Variants in SCP2 observed in about 807,000 individuals in gnomAD.
SCP2 encodes sterol carrier protein 2, also known as SCP-2/3-oxoacyl-CoA thiolase.
In SCP2, 48 loss-of-function variants were observed where a neutral mutation model predicts 71.4. The observed-to-expected ratio is 0.67, with a 90% CI of 0.53 to 0.86. The LOEUF (loss-of-function observed/expected upper bound fraction) is 0.86, where lower values mean the gene tolerates loss of function less well. Ranked by LOEUF, SCP2 falls within the 40% of genes least tolerant of loss-of-function variation. The probability of loss-of-function intolerance (pLI) is 0.00; values close to 1 mark genes in which losing one functional copy is unlikely to be tolerated. For missense variants in SCP2, 560 were observed against 655.6 expected (o/e 0.85, Z 1.59); for synonymous variants, 220 against 218.1 (o/e 1.01, Z -0.08).
At chr1:53,047,577 A>C (rs537311446) in intron 14 of SCP2, among the ~76,000 whole-genome samples, 88 of 152,350 alleles carry the variant, frequency 5.8e-4, no homozygotes, top group African/African-American at 2.1e-3. Flanking sequence ...CATGTCAGTA[A>C]ATCCAGATCC....
At chr1:52,980,658 C>T in intron 10 of SCP2, 115 bp downstream of exon 10, 1 of 1,065,350 alleles carries the variant, frequency 9.4e-7, no homozygotes, top group Non-Finnish European at 1.4e-6. Context: ...GGCTCTGCCA[C>T]ACTGTGGGAA....
intron 5 of SCP2, among the ~76,000 whole-genome samples, chr1:52,957,876 T>C (rs566383607): frequency 3.5e-4 from 52 of 150,404 alleles, no homozygotes; most frequent in African/African-American, 1.2e-3. Context: ...CAGTTGTCCC[T>C]GCACCATTTG....
intron 11 of SCP2, among the ~76,000 whole-genome samples, chr1:53,010,554 C>G (rs368923666): frequency 6.6e-6 from 1 of 151,800 alleles, no homozygotes; most frequent in African/African-American, 2.4e-5. Flanking sequence ...CACATGTTCT[C>G]ACTCATAGGT....
intron 2 of SCP2, among the ~76,000 whole-genome samples, chr1:52,946,763 A>T (rs1654835033): frequency 7.6e-6 from 1 of 130,828 alleles, no homozygotes; most frequent in African/African-American, 3.3e-5. Flanking sequence ...ATATGTTTAA[A>T]AAAAAAAAAA....
chr1:52,931,725 T>C (rs1472514790), intron 1 of SCP2, among the ~76,000 whole-genome samples: 2 of 152,194 alleles, frequency 1.3e-5, no homozygotes, highest in Non-Finnish European at 2.9e-5. Context: ...TTTAATTGTT[T>C]TAATTATGAA....
intron 11 of SCP2, among the ~76,000 whole-genome samples, chr1:53,012,675 A>G (rs1299264133): frequency 6.6e-6 from 1 of 152,216 alleles, no homozygotes; most frequent in Non-Finnish European, 1.5e-5. Context: ...AGGCATTTTA[A>G]AGACTCTTCA....
At chr1:53,003,970 C>T (rs565019638) in intron 11 of SCP2, among the ~76,000 whole-genome samples, 7 of 152,154 alleles carry the variant, frequency 4.6e-5, no homozygotes, top group East Asian at 1.9e-4. Context: ...ACATCTGAAT[C>T]GCCACTTCAC....
intron 12 of SCP2, among the ~76,000 whole-genome samples, chr1:53,017,015 A>G (rs139215138): frequency 3.3e-4 from 50 of 152,326 alleles, no homozygotes; most frequent in Admixed American, 4.6e-4. Context: ...GAACAACTAC[A>G]TTTAATTCAC....
chr1:53,030,187 C>T (rs1372470514), intron 13 of SCP2, among the ~76,000 whole-genome samples: 1 of 152,086 alleles, frequency 6.6e-6, no homozygotes, highest in African/African-American at 2.4e-5. Context: ...CGTGCCCGGC[C>T]GTTTACCCTC....
intron 11 of SCP2, among the ~76,000 whole-genome samples, chr1:52,998,315 G>T (rs1660074043): frequency 6.6e-6 from 1 of 152,160 alleles, no homozygotes; most frequent in African/African-American, 2.4e-5. Context: ...TGTCAAAAAG[G>T]CCAGGTGCAG....
intron 2 of SCP2, 75 bp downstream of exon 2, chr1:52,941,928 G>T: frequency 9.3e-7 from 1 of 1,079,238 alleles, no homozygotes; most frequent in Admixed American, 1.7e-5. Context: ...GGATGGGGCA[G>T]CCTTGCAAGC....
rs185841534 is a variant in SCP2 at position 52,941,194 on chromosome 1, C to T, written c.70-602C>T. 6.6e-4 allele frequency among the ~76,000 whole-genome samples: 101 copies of T among 152,272 alleles called. 1 individual carries two copies. The highest frequency in any genetic ancestry group is 2.2e-3 in the African/African-American group (93 of 41,552). On this transcript the variant is annotated intron_variant, in intron 1 of 15. Coordinates refer to ENST00000371514, the MANE Select transcript of SCP2 (RefSeq NM_002979.5). ...CTCTTTCACTTTGCTAACTGCTACTCATCCATAAGAACTTAATTTAAATGG... is the reference window on the plus strand; with the variant it reads ...CTCTTTCACTTTGCTAACTGCTACTTATCCATAAGAACTTAATTTAAATGG...
chr1:53,050,170 G>A (rs1279219138), intron 15 of SCP2: 1 of 216,092 alleles, frequency 4.6e-6, no homozygotes, highest in Non-Finnish European at 9.3e-6. Context: ...GTAGGGATAA[G>A]TCCTTTATCA....
At chr1:52,954,618 G>A in intron 4 of SCP2, 122 bp from the exon 5 acceptor site, 2 of 826,932 alleles carry the variant, frequency 2.4e-6, no homozygotes, top group Non-Finnish European at 4.2e-6. Context: ...CCAAACTGAT[G>A]GGACTATAAG....
At chr1:52,939,575 C>A (rs554934435) in intron 1 of SCP2, among the ~76,000 whole-genome samples, 15 of 152,260 alleles carry the variant, frequency 9.9e-5, no homozygotes, top group Admixed American at 7.2e-4. Context: ...AAAAAACACC[C>A]ATTTGTAGGT....
chr1:52,961,403 A>G (rs1572094707), intron 5 of SCP2, 100 bp from the exon 6 acceptor site: 1 of 1,234,730 alleles, frequency 8.1e-7, no homozygotes, highest in East Asian at 2.4e-5. Context: ...CTGGTGTACT[A>G]TGTGCTTAGA....
chr1:52,965,341 T>A (rs1053022815), intron 6 of SCP2, among the ~76,000 whole-genome samples: 3 of 152,170 alleles, frequency 2.0e-5, no homozygotes, highest in Non-Finnish European at 4.4e-5. Context: ...CTTATTGGTA[T>A]TTTTACTAGG....
At chr1:52,957,034 C>T (rs1416676540) in intron 5 of SCP2, among the ~76,000 whole-genome samples, 5 of 151,780 alleles carry the variant, frequency 3.3e-5, no homozygotes, top group South Asian at 4.2e-4. Flanking sequence ...CTCAGCCTCC[C>T]GAGTAGCTGG....
At position 53,051,142 on chromosome 1, in the gene SCP2, C is replaced by T. The variant is rs553468721; in HGVS notation, c.*438C>T. ...CAGCTGGCCAGTAATTAGTGTTGTG[C>T]ACTTCATGTCATTAATCAATTTCTC... On this transcript the variant is annotated 3_prime_UTR_variant, in exon 16 of 16. Coordinates refer to ENST00000371514, the MANE Select transcript of SCP2 (RefSeq NM_002979.5). 4 of 154,194 alleles carry T rather than the reference C, an allele frequency of 2.6e-5. No homozygotes were observed. The highest frequency in any genetic ancestry group is 9.6e-5 in the African/African-American group (4 of 41,570). 9.6% of individuals were successfully genotyped at this position (154,194 alleles called of 1,614,324 possible).
Sources: allele counts gnomAD v4.1 joint callset (sites outside exome capture counted in the v4.1 genomes callset), GRCh38; gene constraint gnomAD v4.1.1; transcripts MANE v1.5; gene names NCBI Gene and HGNC (gene_info 2026-07-23, HGNC 2026-07-21).